The following CYLD variants were observed in gnomAD, a reference collection of about 807,000 sequenced individuals.
CYLD encodes ubiquitin carboxyl-terminal hydrolase CYLD.
CYLD carries 26 observed loss-of-function variants against 104.5 expected under a neutral mutation model. The ratio of observed to expected loss-of-function variants is 0.25; its 90% CI spans 0.18 to 0.35. CYLD has a LOEUF of 0.35. Among genes scored for constraint, CYLD ranks in the 10% least tolerant of loss-of-function variants. The probability of loss-of-function intolerance (pLI) is 1.00; values close to 1 mark genes in which losing one functional copy is unlikely to be tolerated. For synonymous variants in CYLD, 385 were observed against 399.9 expected, an observed-to-expected ratio of 0.96 and a Z score of 0.45; for missense variants, 703 against 1,136.1, an observed-to-expected ratio of 0.62 and a Z score of 5.48.
intron 18 of CYLD, chr16:50,795,403 G>A (rs1971925861): frequency 3.4e-6 from 2 of 596,766 alleles, no homozygotes; most frequent in Non-Finnish European, 3.0e-6. Context: ...ATGCCAGGCA[G>A]GATAGTGGGT....
intron 2 of CYLD, among the ~76,000 whole-genome samples, chr16:50,744,501 A>G (rs1193309968): frequency 6.6e-6 from 1 of 152,216 alleles, no homozygotes; most frequent in Admixed American, 6.5e-5. Context: ...AGAATTAAGT[A>G]TTGTAAGTTT....
Position 50,751,739 on chromosome 16 carries a change from A to G in CYLD, c.640A>G (p.Ser214Gly), listed in dbSNP as rs1465269936. 3.1e-6 allele frequency: 5 copies of G among 1,613,722 alleles called. No homozygotes were observed. Among genetic ancestry groups the G allele is most frequent in the African/African-American group, 2.7e-5 (2 of 74,890 alleles). The change falls in exon 4 of 19, where the codon AGT becomes GGT. Residue 214 changes from serine to glycine, a missense_variant. By Grantham distance (56) the Ser-to-Gly change is moderately conservative. This residue lies in a region of CYLD where 123 missense variants were observed against 213.3 expected (regional missense o/e 0.58). Transcript: ENST00000427738. The part of the protein sequence containing the change: ...LIEDDDTALE[S>G]DYAGPGDTMQ... ...AGAAGATGATGACACTGCATTGGAA[A>G]GTGATTACGCAGGTCCTGGGGACAC...
intron 14 of CYLD, among the ~76,000 whole-genome samples, chr16:50,789,359 A>G (rs1411750789): frequency 6.6e-6 from 1 of 152,220 alleles, no homozygotes; most frequent in Non-Finnish European, 1.5e-5. Flanking sequence ...GATGCTTAAA[A>G]CAGTTGTTTT....
chr16:50,751,766 A>G lies in CYLD; in HGVS notation c.667A>G (p.Met223Val). The G allele has an allele frequency of 1.9e-6, 3 of 1,613,800 alleles. No homozygotes were observed. The highest frequency in any genetic ancestry group is 1.1e-5 in the South Asian group (1 of 91,074). The part of the protein sequence containing the change: ...ESDYAGPGDT[M>V]QVELPPLEIN... Reference sequence around the variant, plus strand: ...TGATTACGCAGGTCCTGGGGACACAATGCAGGTCGAACTTCCTCCTTTGGA... The same window carrying G: ...TGATTACGCAGGTCCTGGGGACACAGTGCAGGTCGAACTTCCTCCTTTGGA... The change falls in exon 4 of 19, where the codon ATG becomes GTG. Residue 223 changes from methionine (M) to valine (V), a missense_variant. Coordinates refer to ENST00000427738, the MANE Select transcript of CYLD (RefSeq NM_001378743.1).
intron 9 of CYLD, among the ~76,000 whole-genome samples, 197 bp from the exon 10 acceptor site, chr16:50,781,049 A>G (rs1168201809): frequency 6.6e-6 from 1 of 152,192 alleles, no homozygotes; most frequent in Non-Finnish European, 1.5e-5. Context: ...GGATTAAGGA[A>G]GTCACTTCTT....
rs542545426 is a variant in CYLD, at chr16:50,771,076, A to G, written c.914-4090A>G. Among the ~76,000 whole-genome samples, 8 of 152,252 alleles carry G rather than the reference A, an allele frequency of 5.3e-5. No homozygotes were observed. In the East Asian group the frequency reaches 1.5e-3, roughly 29 times the overall value. On this transcript the variant is annotated intron_variant, in intron 5 of 18. Transcript: ENST00000427738. ...AAGATTTTCTCCTAAGTTTTTAAAA[A>G]TTGAAATGTAATATGTTGTGCAACC...
At chr16:50,768,090 G>T (rs1275160166) in intron 5 of CYLD, among the ~76,000 whole-genome samples, 2 of 152,012 alleles carry the variant, frequency 1.3e-5, no homozygotes, top group Non-Finnish European at 2.9e-5. Context: ...ATTATTGCTG[G>T]CTCAGAGCAG....
At chr16:50,762,244 C>T (rs1222329590) in intron 5 of CYLD, among the ~76,000 whole-genome samples, 1 of 151,314 alleles carries the variant, frequency 6.6e-6, no homozygotes, top group Non-Finnish European at 1.5e-5. Context: ...ATATTATTAA[C>T]ACTAGTCTCC....
At chr16:50,750,323 T>C in intron 3 of CYLD, 121 bp downstream of exon 3, 1 of 1,126,202 alleles carries the variant, frequency 8.9e-7, no homozygotes, top group Non-Finnish European at 1.3e-6. Context: ...GAGTCTTCTG[T>C]AATTTTTAAT....
chr16:50,768,716 T>C (rs1466346098), intron 5 of CYLD, among the ~76,000 whole-genome samples: 1 of 152,232 alleles, frequency 6.6e-6, no homozygotes, highest in African/African-American at 2.4e-5. Context: ...CCCAAAATTA[T>C]ACATTTCGGT....
At chr16:50,789,254 G>T (rs1394193140) in intron 14 of CYLD, among the ~76,000 whole-genome samples, 1 of 152,110 alleles carries the variant, frequency 6.6e-6, no homozygotes, top group Non-Finnish European at 1.5e-5. Context: ...AAATGGGAAA[G>T]GAAAGATATG....
At chr16:50,775,123 C>T in intron 5 of CYLD, 43 bp from the exon 6 acceptor site, 1 of 1,572,746 alleles carries the variant, frequency 6.4e-7, no homozygotes. Flanking sequence ...TTCTTTCTGT[C>T]CTCAAATCCA....
rs1972134845 is a variant in CYLD, at chr16:50,797,301, T to A, written c.*793T>A. 4.3e-6 allele frequency: 1 copy of A among 232,290 alleles called. No individual in the cohort carries two copies. The highest frequency in any genetic ancestry group is 8.5e-6 in the Non-Finnish European group (1 of 117,494). The allele number at this position is 232,290 out of a possible 1,614,324, so 14.4% of individuals were successfully genotyped here. A position where few individuals can be genotyped will look rare whatever the true frequency, so the allele number is the denominator to read the frequency against. ...TATGGAATGGGGCAAAGTAAATTGA[T>A]GAAAGAATTGGAGTGATAATAGTCC... On this transcript the variant is annotated 3_prime_UTR_variant, in exon 19 of 19. Coordinates refer to ENST00000427738, the MANE Select transcript of CYLD (RefSeq NM_001378743.1).
At chr16:50,742,981 T>C in intron 2 of CYLD, 140 bp downstream of exon 2, 1 of 396,134 alleles carries the variant, frequency 2.5e-6, no homozygotes, top group Non-Finnish European at 4.4e-6. Context: ...CGGTTATTCA[T>C]GTACTTGGCA....
At chr16:50,748,678 T>A (rs899863939) in intron 2 of CYLD, among the ~76,000 whole-genome samples, 1 of 152,230 alleles carries the variant, frequency 6.6e-6, no homozygotes, top group African/African-American at 2.4e-5. Flanking sequence ...AATTGATTTT[T>A]AAAATATTTT....
chr16:50,754,077 G>T (rs1457449522), intron 4 of CYLD, among the ~76,000 whole-genome samples: 1 of 152,024 alleles, frequency 6.6e-6, no homozygotes, highest in Non-Finnish European at 1.5e-5. Context: ...TTATCTGGGG[G>T]TTTACTATCA....
chr16:50,773,261 C>T (rs1358231912), intron 5 of CYLD, among the ~76,000 whole-genome samples: 3 of 152,102 alleles, frequency 2.0e-5, no homozygotes, highest in African/African-American at 4.8e-5. Flanking sequence ...TTATGATTTC[C>T]TGCTCAAGAT....
intron 5 of CYLD, among the ~76,000 whole-genome samples, chr16:50,755,181 A>G (rs1228339112): frequency 9.0e-5 from 13 of 144,862 alleles, no homozygotes; most frequent in Admixed American, 1.4e-4. Context: ...ATGTGTGTGT[A>G]TATACACACG....
chr16:50,746,597 A>G (rs1966213887), intron 2 of CYLD, among the ~76,000 whole-genome samples: 1 of 152,186 alleles, frequency 6.6e-6, no homozygotes, highest in Non-Finnish European at 1.5e-5. Flanking sequence ...TGCTAAGTCT[A>G]AGCTCATTTC....
Sources: allele counts gnomAD v4.1 joint callset (sites outside exome capture counted in the v4.1 genomes callset), GRCh38; gene constraint gnomAD v4.1.1; regional missense constraint gnomAD v4.1.1; transcripts MANE v1.5; gene names NCBI Gene and HGNC (gene_info 2026-07-23, HGNC 2026-07-21).